The following NXPE2 variants were observed in gnomAD, a reference collection of about 807,000 sequenced individuals.
NXPE2 encodes the protein NXPE family member 2.
NXPE2 carries 34 observed loss-of-function variants against 34.4 expected under a neutral mutation model. That is an observed-to-expected ratio of 0.99 (90% confidence interval 0.75 to 1.31). The LOEUF (loss-of-function observed/expected upper bound fraction) is 1.31, where lower values mean the gene tolerates loss of function less well. Ranked by LOEUF, NXPE2 falls within the 40% of genes most tolerant of loss-of-function variation. The probability of loss-of-function intolerance (pLI) is 0.00; values close to 1 mark genes in which losing one functional copy is unlikely to be tolerated. For missense variants in NXPE2, 649 were observed against 672.5 expected, an observed-to-expected ratio of 0.97 and a Z score of 0.39; for synonymous variants, 235 against 231.3, an observed-to-expected ratio of 1.02 and a Z score of -0.15.
At chr11:114,632,920 T>A in the NXPE2 span, among the ~76,000 whole-genome samples, 833 of 94,886 alleles carry the variant, frequency 8.8e-3, 15 homozygotes, top group African/African-American at 0.034. Flanking sequence ...TTATATTTTA[T>A]ATAATTATAT....
chr11:114,604,384 A>G, the NXPE2 span, among the ~76,000 whole-genome samples: 3 of 152,082 alleles, frequency 2.0e-5, no homozygotes, highest in Admixed American at 6.6e-5. Context: ...CCTCGTGGGT[A>G]ACCACTGTTA....
At chr11:114,732,560 C>T in the NXPE2 span, among the ~76,000 whole-genome samples, 2 of 152,186 alleles carry the variant, frequency 1.3e-5, no homozygotes, top group Non-Finnish European at 2.9e-5. Flanking sequence ...TTTTAGGTAC[C>T]TAGGCATGGT....
chr11:114,721,143 C>T, the NXPE2 span, among the ~76,000 whole-genome samples: 1 of 151,990 alleles, frequency 6.6e-6, no homozygotes, highest in Non-Finnish European at 1.5e-5. Flanking sequence ...GAGGACCATC[C>T]TGGGGGTTGC....
the NXPE2 span, among the ~76,000 whole-genome samples, chr11:114,760,580 A>T: frequency 9.6e-4 from 146 of 152,300 alleles, no homozygotes; most frequent in African/African-American, 3.4e-3. Context: ...TATTTATCCA[A>T]GACAAAGGGA....
chr11:114,626,624 T>A, the NXPE2 span, among the ~76,000 whole-genome samples: 1 of 152,208 alleles, frequency 6.6e-6, no homozygotes, highest in Middle Eastern at 3.4e-3. Flanking sequence ...CCTCTCCTCC[T>A]CCAAAGGAAC....
chr11:114,708,581 G>C (rs955250698), downstream of NXPE2, among the ~76,000 whole-genome samples: 2 of 151,094 alleles, frequency 1.3e-5, no homozygotes, highest in Non-Finnish European at 2.9e-5. Flanking sequence ...AGTGAGCCAA[G>C]ATTGCACCAC....
At chr11:114,512,939 C>G in the NXPE2 span, 1 of 310,020 alleles carries the variant, frequency 3.2e-6, no homozygotes, top group Admixed American at 4.1e-5. Context: ...GAAAACTGGC[C>G]CTTGAAGATG....
the NXPE2 span, among the ~76,000 whole-genome samples, chr11:114,595,091 C>G: frequency 1.3e-5 from 2 of 152,158 alleles, no homozygotes; most frequent in African/African-American, 4.8e-5. Context: ...TGTCACCTAT[C>G]AGGTTCCCTG....
the NXPE2 span, among the ~76,000 whole-genome samples, chr11:114,803,988 G>A: frequency 6.6e-6 from 1 of 152,110 alleles, no homozygotes; most frequent in African/African-American, 2.4e-5. Context: ...TGAGAATTAG[G>A]CTTCAAAATA....
the NXPE2 span, among the ~76,000 whole-genome samples, chr11:114,789,294 C>A: frequency 2.1e-5 from 3 of 144,350 alleles, no homozygotes; most frequent in Admixed American, 7.0e-5. Flanking sequence ...CATGTTTATA[C>A]CATAACTATA....
chr11:114,764,955 C>G, the NXPE2 span, among the ~76,000 whole-genome samples: 1 of 152,116 alleles, frequency 6.6e-6, no homozygotes, highest in African/African-American at 2.4e-5. Flanking sequence ...TTTCTTTTCT[C>G]TCATTTAAAG....
At chr11:114,530,313 TCA>T in the NXPE2 span, 1 of 1,614,096 alleles carries the variant, frequency 6.2e-7, no homozygotes, top group African/African-American at 1.3e-5. Context: ...ATCCAGATAT[TCA>T]CAGAGTTCAG....
chr11:114,713,374 T>C, the NXPE2 span, among the ~76,000 whole-genome samples: 4 of 152,162 alleles, frequency 2.6e-5, no homozygotes, highest in South Asian at 8.3e-4. Flanking sequence ...TAAACTTAAA[T>C]GTGGAAATCA....
chr11:114,481,909 A>G, the NXPE2 span, among the ~76,000 whole-genome samples: 1 of 152,064 alleles, frequency 6.6e-6, no homozygotes, highest in African/African-American at 2.4e-5. Flanking sequence ...CTTCCTATAC[A>G]CTTGCAAGTA....
downstream of NXPE2, among the ~76,000 whole-genome samples, chr11:114,709,806 G>A (rs1859576364): frequency 6.6e-6 from 1 of 151,998 alleles, no homozygotes; most frequent in Admixed American, 6.6e-5. Flanking sequence ...GGAGGCTGAG[G>A]CAGGAGAATC....
chr11:114,486,676 A>G, the NXPE2 span, among the ~76,000 whole-genome samples: 15 of 152,134 alleles, frequency 9.9e-5, no homozygotes, highest in Non-Finnish European at 1.9e-4. Context: ...ATGCTTGTTT[A>G]TGGTGAGAGA....
the NXPE2 span, among the ~76,000 whole-genome samples, chr11:114,521,250 CAT>C: frequency 2.0e-5 from 3 of 152,216 alleles, no homozygotes; most frequent in African/African-American, 4.8e-5. Flanking sequence ...ACTTACGACA[CAT>C]GAGAGATTTT....
chr11:114,717,601 G>C, the NXPE2 span, among the ~76,000 whole-genome samples: 3 of 152,218 alleles, frequency 2.0e-5, no homozygotes, highest in Non-Finnish European at 4.4e-5. Context: ...CCATGAGTGT[G>C]TTTTTACATT....
At chr11:114,736,684 G>C in the NXPE2 span, among the ~76,000 whole-genome samples, 22 of 116,082 alleles carry the variant, frequency 1.9e-4, no homozygotes, top group African/African-American at 8.9e-4. Context: ...AGAGACTAAA[G>C]TAAAGACAGG....
Sources: gnomAD v4.1 joint callset for allele counts (sites outside exome capture counted in the v4.1 genomes callset) on GRCh38, gnomAD v4.1.1 for gene constraint, MANE v1.5 for transcripts, NCBI Gene and HGNC (gene_info 2026-07-23, HGNC 2026-07-21) for gene names.